EPHA3: variants seen among roughly 807,000 people sequenced by gnomAD.
The protein encoded by EPHA3 is EPH receptor A3, also known as ephrin type-A receptor 3.
A neutral mutation model predicts 107.1 loss-of-function variants in EPHA3; 42 were observed. That is an observed-to-expected ratio of 0.39 (90% CI 0.31 to 0.51). The LOEUF is 0.51. Among genes scored for constraint, EPHA3 ranks in the 20% least tolerant of loss-of-function variants. The pLI is 0.78. For synonymous variants in EPHA3, 461 were observed against 424.8 expected, an observed-to-expected ratio of 1.09 and a Z score of -1.05; for missense variants, 1,183 against 1,211.2, an observed-to-expected ratio of 0.98 and a Z score of 0.35.
intron 5 of EPHA3, among the ~76,000 whole-genome samples, chr3:89,345,606 C>CT (rs528144226): frequency 0.28 from 38,293 of 136,448 alleles, 5,979 homozygotes; most frequent in African/African-American, 0.33. Context: ...GTGACAATTT[C>CT]TTTTTTTTTT....
At chr3:89,237,497 A>C (rs950383807) in intron 3 of EPHA3, among the ~76,000 whole-genome samples, 1 of 152,252 alleles carries the variant, frequency 6.6e-6, no homozygotes, top group African/African-American at 2.4e-5. Flanking sequence ...CATAATTGTC[A>C]CAAAATGTTA....
At chr3:89,451,338 C>G (rs2881488) in intron 15 of EPHA3, among the ~76,000 whole-genome samples, 34,048 of 151,870 alleles carry the variant, frequency 0.22, 4,134 homozygotes, top group Non-Finnish European at 0.25. Flanking sequence ...TTGTCAGGGG[C>G]CATATAAGAA....
At chr3:89,351,858 T>C (rs907486403) in intron 5 of EPHA3, among the ~76,000 whole-genome samples, 20 of 149,296 alleles carry the variant, frequency 1.3e-4, no homozygotes, top group African/African-American at 4.9e-4. Context: ...TAATAACATA[T>C]ACTGATATAA....
At chr3:89,433,214 A>G (rs1709603024) in intron 13 of EPHA3, among the ~76,000 whole-genome samples, 1 of 152,062 alleles carries the variant, frequency 6.6e-6, no homozygotes, top group African/African-American at 2.4e-5. Context: ...ATCTTTCTCC[A>G]TATTCTCATC....
chr3:89,333,198 T>C (rs182686285), intron 3 of EPHA3, among the ~76,000 whole-genome samples: 4 of 152,316 alleles, frequency 2.6e-5, no homozygotes, highest in African/African-American at 9.6e-5. Flanking sequence ...ACTCCCTGTT[T>C]CATACTTGTT....
chr3:89,405,255 C>T (rs1484912283), intron 7 of EPHA3, among the ~76,000 whole-genome samples: 1 of 152,080 alleles, frequency 6.6e-6, no homozygotes, highest in Non-Finnish European at 1.5e-5. Context: ...GCACAGATCA[C>T]CCATTTGAGG....
chr3:89,219,918 C>T (rs1306445247), intron 3 of EPHA3, among the ~76,000 whole-genome samples: 4 of 149,138 alleles, frequency 2.7e-5, no homozygotes, highest in Admixed American at 6.7e-5. Context: ...CCGTTTTAGC[C>T]GGGATGGTCT....
intron 15 of EPHA3, among the ~76,000 whole-genome samples, chr3:89,454,597 A>G (rs182038852): frequency 6.6e-6 from 1 of 152,252 alleles, no homozygotes; most frequent in African/African-American, 2.4e-5. Flanking sequence ...AGCCTCCAGA[A>G]TCTTCTTATC....
At chr3:89,208,466 G>GAAAGAAAGAAAGAAAGAAAGAAAGAA (rs1559600905) in intron 2 of EPHA3, among the ~76,000 whole-genome samples, 7 of 128,036 alleles carry the variant, frequency 5.5e-5, no homozygotes, top group African/African-American at 1.9e-4. Context: ...AAGAAAGAAA[G>GAAAGAAAGAAAGAAAGAAAGAAAGAA]AAAGAAAGAA....
intron 15 of EPHA3, among the ~76,000 whole-genome samples, chr3:89,459,725 G>T (rs1338208513): frequency 6.6e-6 from 1 of 152,090 alleles, no homozygotes. Context: ...GTTTCACCGT[G>T]TTGACCAGGC....
chr3:89,218,597 A>T (rs1223666970), intron 3 of EPHA3, among the ~76,000 whole-genome samples: 1 of 152,024 alleles, frequency 6.6e-6, no homozygotes, highest in African/African-American at 2.4e-5. Context: ...CAATAAACAT[A>T]CGTTTGCATG....
chr3:89,224,082 G>A (rs1397454701), intron 3 of EPHA3, among the ~76,000 whole-genome samples: 2 of 152,136 alleles, frequency 1.3e-5, no homozygotes, highest in South Asian at 2.1e-4. Context: ...AACAAAAAAT[G>A]TGAAGCAATA....
At chr3:89,159,435 G>A (rs985368142) in intron 2 of EPHA3, among the ~76,000 whole-genome samples, 1 of 152,082 alleles carries the variant, frequency 6.6e-6, no homozygotes, top group African/African-American at 2.4e-5. Context: ...ATCCACTAGT[G>A]AAGTCCCTGT....
At chr3:89,130,930 C>G (rs1228931950) in intron 2 of EPHA3, among the ~76,000 whole-genome samples, 1 of 152,158 alleles carries the variant, frequency 6.6e-6, no homozygotes, top group Non-Finnish European at 1.5e-5. Context: ...GACACCGCGC[C>G]CGGTCCCTAT....
At chr3:89,469,531 C>A (rs1334735118) in intron 15 of EPHA3, among the ~76,000 whole-genome samples, 1 of 152,106 alleles carries the variant, frequency 6.6e-6, no homozygotes, top group East Asian at 1.9e-4. Context: ...TACACTTGAG[C>A]AGGTCTTTTG....
At chr3:89,406,876 C>T (rs984754408) in intron 7 of EPHA3, among the ~76,000 whole-genome samples, 1 of 152,074 alleles carries the variant, frequency 6.6e-6, no homozygotes, top group Non-Finnish European at 1.5e-5. Context: ...AATTAGAAAG[C>T]TTTTTATAAT....
intron 13 of EPHA3, among the ~76,000 whole-genome samples, chr3:89,447,204 G>A (rs1018534763): frequency 2.6e-5 from 4 of 152,106 alleles, no homozygotes; most frequent in South Asian, 2.1e-4. Flanking sequence ...CCTAACTTCC[G>A]AGGCTATCTT....
At chr3:89,154,523 A>T (rs2107053479) in intron 2 of EPHA3, among the ~76,000 whole-genome samples, 1 of 151,780 alleles carries the variant, frequency 6.6e-6, no homozygotes, top group South Asian at 2.1e-4. Context: ...CTGATTTTGG[A>T]CCTAGCTTTT....
At chr3:89,467,101 G>A (rs1339030069) in intron 15 of EPHA3, among the ~76,000 whole-genome samples, 2 of 151,912 alleles carry the variant, frequency 1.3e-5, no homozygotes, top group Non-Finnish European at 2.9e-5. Context: ...TATCGTATCT[G>A]GATTTTTAAT....
Sources: allele counts gnomAD v4.1 joint callset (sites outside exome capture counted in the v4.1 genomes callset), GRCh38; gene constraint gnomAD v4.1.1; transcripts MANE v1.5; gene names NCBI Gene and HGNC (gene_info 2026-07-23, HGNC 2026-07-21).